SCUBE2: variants seen among roughly 807,000 people sequenced by gnomAD.
SCUBE2 encodes signal peptide, CUB domain and EGF like domain containing 2.
SCUBE2 carries 114 observed loss-of-function variants against 125.9 expected under a neutral mutation model. The ratio of observed to expected loss-of-function variants is 0.91; its 90% CI spans 0.78 to 1.06. SCUBE2 has a LOEUF of 1.06. Among genes scored for constraint, SCUBE2 ranks in the 50% least tolerant of loss-of-function variants. The probability of loss-of-function intolerance (pLI) is 0.00; values close to 1 mark genes in which losing one functional copy is unlikely to be tolerated. For synonymous variants in SCUBE2, 459 were observed against 492.9 expected (o/e 0.93, Z 0.91); for missense variants, 1,255 against 1,301.8 (o/e 0.96, Z 0.55).
intron 17 of SCUBE2, among the ~76,000 whole-genome samples, chr11:9,031,596 C>A (rs1296030283): frequency 1.3e-5 from 2 of 152,002 alleles, no homozygotes; most frequent in Non-Finnish European, 2.9e-5. Flanking sequence ...CCACGGCACT[C>A]CAGCCTGGGT....
intron 3 of SCUBE2, among the ~76,000 whole-genome samples, chr11:9,076,987 T>C (rs963706698): frequency 6.6e-6 from 1 of 152,224 alleles, no homozygotes; most frequent in Non-Finnish European, 1.5e-5. Flanking sequence ...CGAGTAAAGA[T>C]GTGCTCCCCT....
intron 7 of SCUBE2, among the ~76,000 whole-genome samples, chr11:9,062,768 G>GA (rs1027518894): frequency 2.2e-4 from 30 of 134,360 alleles, no homozygotes; most frequent in African/African-American, 8.0e-4. Context: ...AAGATTAGAA[G>GA]AAAAAAATGA....
intron 7 of SCUBE2, among the ~76,000 whole-genome samples, chr11:9,063,693 A>G (rs1398468514): frequency 6.6e-6 from 1 of 152,214 alleles, no homozygotes; most frequent in Non-Finnish European, 1.5e-5. Context: ...CATAGGATCC[A>G]CCCAACAGGA....
At position 9,080,010 on chromosome 11, in the gene SCUBE2, G is replaced by C. The variant is rs545779128; in HGVS notation, c.257-501C>G. Among the ~76,000 whole-genome samples the C allele has an allele frequency of 2.0e-5, 3 of 152,216 alleles. No homozygotes were observed. The South Asian group carries it at 6.2e-4, about 32-fold the overall frequency. Reference sequence around the variant, plus strand: ...GACTCAGAAGAGCAAAAACAATTTTGAAAAAGGAGAACAAATTTGGGGGAC... The same window carrying C: ...GACTCAGAAGAGCAAAAACAATTTTCAAAAAGGAGAACAAATTTGGGGGAC... On this transcript the variant is annotated intron_variant, in intron 2 of 22. Coordinates refer to ENST00000649792, the MANE Select transcript of SCUBE2 (RefSeq NM_001367977.2).
chr11:9,081,784 T>C (rs1479052876), intron 2 of SCUBE2, among the ~76,000 whole-genome samples: 1 of 152,246 alleles, frequency 6.6e-6, no homozygotes, highest in Non-Finnish European at 1.5e-5. Context: ...TGAATAATGC[T>C]ACGAGCATGG....
chr11:9,090,485 A>ATTTAT (rs1862572555), intron 1 of SCUBE2: 1 of 59,674 alleles, frequency 1.7e-5, no homozygotes, highest in African/African-American at 3.4e-5. Flanking sequence ...TTATTTATTT[A>ATTTAT]TTTATTTTTT....
At chr11:9,027,882 G>C (rs538008839) in intron 19 of SCUBE2, among the ~76,000 whole-genome samples, 45 of 152,294 alleles carry the variant, frequency 3.0e-4, no homozygotes, top group African/African-American at 1.0e-3. Context: ...CCAAGTGCCA[G>C]AAGAACCCAT....
At chr11:9,043,988 T>A (rs916115945) in intron 16 of SCUBE2, among the ~76,000 whole-genome samples, 2 of 152,204 alleles carry the variant, frequency 1.3e-5, no homozygotes, top group African/African-American at 4.8e-5. Flanking sequence ...AGTCGGCCAT[T>A]GTACTTTTGC....
intron 16 of SCUBE2, among the ~76,000 whole-genome samples, chr11:9,037,898 C>A (rs1856870074): frequency 6.6e-6 from 1 of 152,200 alleles, no homozygotes; most frequent in Non-Finnish European, 1.5e-5. Context: ...GCCTAGTTAA[C>A]TGGAGCTGAA....
At chr11:9,050,825 G>A in intron 13 of SCUBE2, 115 bp from the exon 14 acceptor site, 1 of 791,222 alleles carries the variant, frequency 1.3e-6, no homozygotes, top group East Asian at 2.5e-5. Context: ...CACACCCTGA[G>A]ACCCTCTCCT....
chr11:9,082,526 T>C (rs1243258162), intron 2 of SCUBE2, among the ~76,000 whole-genome samples: 1 of 152,184 alleles, frequency 6.6e-6, no homozygotes, highest in Non-Finnish European at 1.5e-5. Flanking sequence ...TTCATGCAAG[T>C]GTTCACAGCA....
At chr11:9,066,045 A>T (rs1860195407) in intron 6 of SCUBE2, 65 bp from the exon 7 acceptor site, 1 of 1,105,976 alleles carries the variant, frequency 9.0e-7, no homozygotes, top group Admixed American at 1.9e-5. Context: ...TCCCCATACA[A>T]CTGTGTTTGC....
At chr11:9,047,905 G>C (rs779655188) in intron 15 of SCUBE2, 38 bp downstream of exon 15, 1 of 1,573,902 alleles carries the variant, frequency 6.4e-7, no homozygotes, top group African/African-American at 1.4e-5. Context: ...GGAGCAAGCC[G>C]TGAGAAGCCT....
In SCUBE2 at chr11:9,053,221, C is replaced by A. The variant is rs752869353; in HGVS notation, c.1331-6G>T. 3.7e-6 allele frequency: 6 copies of A among 1,604,108 alleles called. No homozygotes were observed. Among genetic ancestry groups the A allele is most frequent in the Non-Finnish European group, 5.1e-6 (6 of 1,170,898 alleles). ...GGGCAGGAGCCCCTTCACTTCTAGACAGGACAAAACAGACACTTACAGAAA... is the reference window on the plus strand; with the variant it reads ...GGGCAGGAGCCCCTTCACTTCTAGAAAGGACAAAACAGACACTTACAGAAA... On this transcript the variant is annotated splice_region_variant and splice_polypyrimidine_tract_variant and intron_variant, in intron 11 of 22. Transcript: ENST00000649792.
intron 4 of SCUBE2, among the ~76,000 whole-genome samples, chr11:9,072,041 A>T (rs138646396): frequency 6.6e-6 from 1 of 152,310 alleles, no homozygotes; most frequent in East Asian, 1.9e-4. Flanking sequence ...AAAAATCAGT[A>T]TCTTGAGCTT....
intron 20 of SCUBE2, chr11:9,026,092 C>T: frequency 2.2e-6 from 1 of 464,330 alleles, no homozygotes; most frequent in Non-Finnish European, 3.9e-6. Context: ...GCAGCAGCAG[C>T]CCAGGCTGTA....
intron 14 of SCUBE2, 142 bp downstream of exon 14, chr11:9,050,464 A>G: frequency 1.5e-6 from 1 of 663,212 alleles, no homozygotes. Flanking sequence ...AGTCCCTGGA[A>G]GTTGGGGATG....
Position 9,074,487 on chromosome 11 carries a change from A to G in SCUBE2, c.511T>C (p.Ser171Pro). ...SDNQHTCIHR[S>P]EEGLSCMNKD... The stretch of plus-strand genomic sequence containing the variant: ...CACAGCTGGGCAGAGGTACCTTCCG[A>G]GCGGTGAATGCAGGTGTGCTGATTG... Residue 171 changes from serine to proline, a missense_variant, in exon 4 of 23, where the codon TCG (serine) becomes CCG (proline). Transcript: ENST00000649792. The G allele has an allele frequency of 1.2e-6, 2 of 1,614,116 alleles. No individual in the cohort carries two copies. Among genetic ancestry groups the G allele is most frequent in the Non-Finnish European group, 1.7e-6 (2 of 1,179,990 alleles).
rs1168278508 is a variant in SCUBE2, at chr11:9,079,527, A to G, written c.257-18T>C. On this transcript the variant is annotated intron_variant, in intron 2 of 22. Coordinates refer to ENST00000649792, the MANE Select transcript of SCUBE2 (RefSeq NM_001367977.2). ...ATCGATGTCTGAGGAATAAAACAGAAGTAAACCAGACAGGTGCTATTTCTT... is the reference window on the plus strand; with the variant it reads ...ATCGATGTCTGAGGAATAAAACAGAGGTAAACCAGACAGGTGCTATTTCTT... 3 of 1,612,102 alleles carry G rather than the reference A, an allele frequency of 1.9e-6. No individual in the cohort carries two copies. Among genetic ancestry groups the G allele is most frequent in the Non-Finnish European group, 2.5e-6 (3 of 1,178,978 alleles).
Sources: gnomAD v4.1 joint callset for allele counts (sites outside exome capture counted in the v4.1 genomes callset) on GRCh38, gnomAD v4.1.1 for gene constraint, MANE v1.5 for transcripts, NCBI Gene and HGNC (gene_info 2026-07-23, HGNC 2026-07-21) for gene names.